Variants in BMAL1 observed in about 807,000 individuals in gnomAD.
The protein encoded by BMAL1 is basic helix-loop-helix ARNT like 1, also known as basic helix-loop-helix ARNT-like protein 1.
the BMAL1 span, chr11:13,381,194 C>T: frequency 1.9e-6 from 3 of 1,614,032 alleles, no homozygotes; most frequent in African/African-American, 2.7e-5. Flanking sequence ...GCTGTGGCTC[C>T]AGCCCATTGA....
At chr11:13,369,442 G>C in the BMAL1 span, among the ~76,000 whole-genome samples, 9 of 152,098 alleles carry the variant, frequency 5.9e-5, no homozygotes, top group Non-Finnish European at 1.5e-5. Context: ...TTTCCAGACT[G>C]ACAACACACC....
At chr11:13,278,787 G>A in the BMAL1 span, among the ~76,000 whole-genome samples, 1 of 152,386 alleles carries the variant, frequency 6.6e-6, no homozygotes, top group Non-Finnish European at 1.5e-5. Flanking sequence ...CCTGGCTCCA[G>A]CTCCGGGTTT....
At chr11:13,326,466 TG>T in the BMAL1 span, 1 of 152,170 alleles carries the variant, frequency 6.6e-6, no homozygotes, top group Non-Finnish European at 1.5e-5. Flanking sequence ...CCGGGCACTG[TG>T]GTAAGCACTT....
the BMAL1 span, among the ~76,000 whole-genome samples, chr11:13,361,985 G>A: frequency 2.0e-5 from 3 of 152,350 alleles, no homozygotes; most frequent in East Asian, 5.8e-4. Context: ...ACGCCTAGCT[G>A]CAGGGCAGGG....
chr11:13,363,357 G>A, the BMAL1 span, among the ~76,000 whole-genome samples: 1 of 152,116 alleles, frequency 6.6e-6, no homozygotes, highest in Non-Finnish European at 1.5e-5. Flanking sequence ...AATACTTCAT[G>A]TTGGGCTTGT....
chr11:13,380,165 A>G, the BMAL1 span: 7 of 152,222 alleles, frequency 4.6e-5, no homozygotes, highest in African/African-American at 1.7e-4. Flanking sequence ...AAGGTGGGGG[A>G]CACTCAGCAA....
the BMAL1 span, among the ~76,000 whole-genome samples, chr11:13,284,281 G>T: frequency 2.8e-5 from 3 of 106,520 alleles, no homozygotes; most frequent in African/African-American, 7.1e-5. Context: ...TTTTTTTAAT[G>T]CCAGTTGTTC....
the BMAL1 span, chr11:13,372,054 T>C: frequency 7.3e-7 from 1 of 1,375,432 alleles, no homozygotes; most frequent in Non-Finnish European, 9.9e-7. Flanking sequence ...GAAGCCTTGA[T>C]TTTTTTTTAT....
At chr11:13,347,356 G>C in the BMAL1 span, among the ~76,000 whole-genome samples, 28 of 152,224 alleles carry the variant, frequency 1.8e-4, 1 homozygote, top group South Asian at 5.4e-3. Context: ...ACCCTAACCT[G>C]GGCAACAGAG....
chr11:13,369,632 A>G, the BMAL1 span: 7 of 1,613,850 alleles, frequency 4.3e-6, no homozygotes, highest in Non-Finnish European at 5.9e-6. Context: ...ACTTCCAGTT[A>G]AAACAGATAT....
the BMAL1 span, among the ~76,000 whole-genome samples, chr11:13,277,373 C>G: frequency 6.6e-6 from 1 of 152,108 alleles, no homozygotes; most frequent in East Asian, 1.9e-4. Context: ...GCGGCTTGGG[C>G]ACCGCAGTGG....
the BMAL1 span, among the ~76,000 whole-genome samples, chr11:13,279,073 C>A: frequency 1.3e-5 from 2 of 152,198 alleles, no homozygotes; most frequent in Non-Finnish European, 2.9e-5. Context: ...CGCCGCGCAC[C>A]CCGCACCTCC....
At chr11:13,348,095 G>C in the BMAL1 span, among the ~76,000 whole-genome samples, 1 of 152,206 alleles carries the variant, frequency 6.6e-6, no homozygotes, top group Non-Finnish European at 1.5e-5. Flanking sequence ...AGGAGAGCCA[G>C]GGAGAGAGGA....
chr11:13,312,139 A>G, the BMAL1 span, among the ~76,000 whole-genome samples: 1 of 152,104 alleles, frequency 6.6e-6, no homozygotes, highest in East Asian at 1.9e-4. Flanking sequence ...TTTATTGAAC[A>G]CTCATTATGT....
the BMAL1 span, among the ~76,000 whole-genome samples, chr11:13,351,174 C>T: frequency 6.6e-6 from 1 of 152,106 alleles, no homozygotes; most frequent in Non-Finnish European, 1.5e-5. Flanking sequence ...TTCAAGGGGG[C>T]TTCACTGATG....
chr11:13,380,141 G>A, the BMAL1 span: 2 of 152,208 alleles, frequency 1.3e-5, no homozygotes, highest in African/African-American at 4.8e-5. Context: ...TGGTTTCATA[G>A]ACATAAGTAG....
chr11:13,292,496 G>T, the BMAL1 span, among the ~76,000 whole-genome samples: 1 of 151,070 alleles, frequency 6.6e-6, no homozygotes, highest in Non-Finnish European at 1.5e-5. Flanking sequence ...GCAGTGAGCC[G>T]AGATCGCGCC....
the BMAL1 span, among the ~76,000 whole-genome samples, chr11:13,294,955 A>C: frequency 4.6e-5 from 7 of 152,178 alleles, no homozygotes; most frequent in African/African-American, 1.7e-4. Context: ...GTCCCTGTGC[A>C]GCTTCCTCTT....
chr11:13,385,145 A>G, the BMAL1 span, among the ~76,000 whole-genome samples: 8 of 152,182 alleles, frequency 5.3e-5, no homozygotes, highest in Non-Finnish European at 5.9e-5. Flanking sequence ...ATTTTGAGAC[A>G]GAGTTCTCTT....
Sources: allele counts gnomAD v4.1 joint callset (sites outside exome capture counted in the v4.1 genomes callset), GRCh38; gene constraint gnomAD v4.1.1; transcripts MANE v1.5; gene names NCBI Gene and HGNC (gene_info 2026-07-23, HGNC 2026-07-21).